The following PSD3 variants were observed in gnomAD, a reference collection of about 807,000 sequenced individuals.
PSD3 encodes PH and SEC7 domain-containing protein 3.
PSD3 carries 49 observed loss-of-function variants against 105.5 expected under a neutral mutation model. The observed-to-expected ratio is 0.46, with a 90% confidence interval of 0.37 to 0.59. The LOEUF (loss-of-function observed/expected upper bound fraction) is 0.59. Among genes scored for constraint, PSD3 ranks in the 20% least tolerant of loss-of-function variants. The pLI is 0.00. For missense variants in PSD3, 1,561 were observed against 1,263.8 expected (o/e 1.24, Z -3.57); for synonymous variants, 557 against 457.8 (o/e 1.22, Z -2.77).
chr8:18,877,539 C>CTTTT (rs61667418), intron 2 of PSD3, among the ~76,000 whole-genome samples: 18 of 138,134 alleles, frequency 1.3e-4, no homozygotes, highest in Non-Finnish European at 1.2e-4. Flanking sequence ...AGATGCCTAT[C>CTTTT]TTTTTTTTTT....
chr8:18,698,940 T>C (rs747779576), intron 9 of PSD3, among the ~76,000 whole-genome samples: 7 of 152,210 alleles, frequency 4.6e-5, no homozygotes, highest in Non-Finnish European at 8.8e-5. Context: ...TAATGAGAGA[T>C]AGTAAATCTG....
intron 1 of PSD3, among the ~76,000 whole-genome samples, chr8:18,975,838 T>C (rs551237426): frequency 1.3e-5 from 2 of 152,018 alleles, no homozygotes; most frequent in Non-Finnish European, 2.9e-5. Context: ...AAAATACACA[T>C]TGGCCAAGAG....
At chr8:18,629,012 A>T (rs969302977) in intron 11 of PSD3, among the ~76,000 whole-genome samples, 6 of 152,074 alleles carry the variant, frequency 3.9e-5, no homozygotes, top group Admixed American at 3.3e-4. Context: ...GTGATTTACA[A>T]TAAAAAGCGA....
intron 2 of PSD3, among the ~76,000 whole-genome samples, chr8:18,935,365 T>C (rs577755123): frequency 6.6e-6 from 1 of 152,046 alleles, no homozygotes; most frequent in Non-Finnish European, 1.5e-5. Context: ...CCTAATAATA[T>C]ATTTTGTTAG....
chr8:18,638,017 G>A (rs1481721478), intron 10 of PSD3, among the ~76,000 whole-genome samples: 2 of 151,940 alleles, frequency 1.3e-5, no homozygotes, highest in Non-Finnish European at 2.9e-5. Context: ...TTAGCCCACT[G>A]CAGTGGCAGG....
intron 4 of PSD3, among the ~76,000 whole-genome samples, chr8:18,851,059 T>A (rs541582804): frequency 6.6e-6 from 1 of 152,300 alleles, no homozygotes; most frequent in East Asian, 1.9e-4. Context: ...CTGCGAAGCA[T>A]CAACAGTTCA....
At chr8:18,974,178 C>T (rs1824801504) in intron 1 of PSD3, among the ~76,000 whole-genome samples, 2 of 152,218 alleles carry the variant, frequency 1.3e-5, no homozygotes, top group African/African-American at 4.8e-5. Flanking sequence ...AGTTAATCTT[C>T]ACTTCAAGCC....
intron 9 of PSD3, among the ~76,000 whole-genome samples, chr8:18,659,250 T>C (rs772497625): frequency 6.6e-5 from 10 of 152,202 alleles, no homozygotes; most frequent in African/African-American, 9.7e-5. Context: ...TAGAACAAAT[T>C]AATGCCATTG....
intron 12 of PSD3, among the ~76,000 whole-genome samples, chr8:18,599,742 T>G (rs1804296374): frequency 6.6e-6 from 1 of 152,120 alleles, no homozygotes; most frequent in Non-Finnish European, 1.5e-5. Context: ...AGCCAACTTT[T>G]CTTATATGTG....
intron 1 of PSD3, among the ~76,000 whole-genome samples, chr8:19,066,224 C>A (rs111975350): frequency 6.6e-6 from 1 of 152,120 alleles, no homozygotes; most frequent in African/African-American, 2.4e-5. Flanking sequence ...CTAGTTAGAA[C>A]GTCATTAAAA....
At chr8:18,630,126 G>C (rs933022361) in intron 11 of PSD3, among the ~76,000 whole-genome samples, 1 of 151,782 alleles carries the variant, frequency 6.6e-6, no homozygotes, top group African/African-American at 2.4e-5. Flanking sequence ...TCTGAGGCAG[G>C]AACAGAGATA....
At chr8:18,775,587 C>A (rs1386121641) in intron 8 of PSD3, among the ~76,000 whole-genome samples, 1 of 152,138 alleles carries the variant, frequency 6.6e-6, no homozygotes. Context: ...TTCCCTGTAA[C>A]ACTGAACATC....
chr8:18,988,519 A>G (rs905445387), intron 1 of PSD3, among the ~76,000 whole-genome samples: 9 of 152,314 alleles, frequency 5.9e-5, no homozygotes, highest in African/African-American at 1.9e-4. Flanking sequence ...CACTTAGGAA[A>G]TGGTTTTCCT....
intron 9 of PSD3, among the ~76,000 whole-genome samples, chr8:18,764,926 A>T (rs1157703066): frequency 1.3e-5 from 2 of 152,204 alleles, no homozygotes; most frequent in Non-Finnish European, 2.9e-5. Context: ...CCTTGAAAAC[A>T]ATCTGATGAG....
chr8:19,069,152 G>T (rs1829173253), intron 1 of PSD3, among the ~76,000 whole-genome samples: 1 of 152,186 alleles, frequency 6.6e-6, no homozygotes, highest in Non-Finnish European at 1.5e-5. Flanking sequence ...CAGCGTGAAT[G>T]CAAATGTCAT....
At chr8:18,700,650 C>T (rs1801524329) in intron 9 of PSD3, among the ~76,000 whole-genome samples, 1 of 152,366 alleles carries the variant, frequency 6.6e-6, no homozygotes, top group Non-Finnish European at 1.5e-5. Flanking sequence ...TCAACTCAAA[C>T]ACCAATGGGT....
intron 8 of PSD3, among the ~76,000 whole-genome samples, chr8:18,796,082 C>T (rs1184883607): frequency 8.5e-5 from 13 of 152,152 alleles, no homozygotes; most frequent in Admixed American, 3.3e-4. Flanking sequence ...GAATAAACTA[C>T]TTGCAGACAA....
chr8:18,992,543 C>T (rs1036662061), intron 1 of PSD3, among the ~76,000 whole-genome samples: 2 of 152,094 alleles, frequency 1.3e-5, no homozygotes, highest in African/African-American at 4.8e-5. Context: ...AAGAAGTTGA[C>T]GAACTGAAAG....
chr8:18,612,442 G>A (rs909970469), intron 11 of PSD3, among the ~76,000 whole-genome samples: 11 of 151,440 alleles, frequency 7.3e-5, no homozygotes, highest in African/African-American at 1.9e-4. Flanking sequence ...GCGTGATCTC[G>A]GCTCACTGCA....
Sources: gnomAD v4.1 joint callset for allele counts (sites outside exome capture counted in the v4.1 genomes callset) on GRCh38, gnomAD v4.1.1 for gene constraint, MANE v1.5 for transcripts, NCBI Gene and HGNC (gene_info 2026-07-23, HGNC 2026-07-21) for gene names.